The following KDM2A variants were observed in gnomAD, a reference collection of about 807,000 sequenced individuals.
KDM2A encodes the protein lysine demethylase 2A, also known as lysine-specific demethylase 2A.
A neutral mutation model predicts 137.3 loss-of-function variants in KDM2A; 3 were observed. That is an observed-to-expected ratio of 0.02 (90% CI 0.01 to 0.06). The LOEUF (loss-of-function observed/expected upper bound fraction) is 0.06. Among genes scored for constraint, KDM2A ranks in the 10% least tolerant of loss-of-function variants. KDM2A has a pLI of 1.00. For synonymous variants in KDM2A, 512 were observed against 541.5 expected (o/e 0.95, Z 0.76); for missense variants, 738 against 1,510.6 (o/e 0.49, Z 8.48).
chr11:67,229,991 A>G (rs1480003524), intron 11 of KDM2A, among the ~76,000 whole-genome samples: 1 of 152,092 alleles, frequency 6.6e-6, no homozygotes, highest in African/African-American at 2.4e-5. Flanking sequence ...CCTGGCTAAC[A>G]TGGTGAAACC....
chr11:67,143,595 G>A (rs898934952), intron 2 of KDM2A, among the ~76,000 whole-genome samples: 4 of 151,440 alleles, frequency 2.6e-5, no homozygotes, highest in African/African-American at 9.7e-5. Flanking sequence ...TTTTAGTTTC[G>A]CTTTTGTCTG....
At chr11:67,251,022 T>A (rs1859407931) in intron 17 of KDM2A, among the ~76,000 whole-genome samples, 1 of 152,198 alleles carries the variant, frequency 6.6e-6, no homozygotes, top group Non-Finnish European at 1.5e-5. Flanking sequence ...TGCTCTATAC[T>A]TTCCCATGTC....
At chr11:67,224,199 C>T (rs926601725) in intron 10 of KDM2A, among the ~76,000 whole-genome samples, 4 of 152,280 alleles carry the variant, frequency 2.6e-5, no homozygotes, top group South Asian at 2.1e-4. Context: ...AGTTTGTAAA[C>T]GGGTAGGTGA....
intron 2 of KDM2A, among the ~76,000 whole-genome samples, chr11:67,147,541 TAA>T (rs879807940): frequency 2.2e-5 from 3 of 137,244 alleles, no homozygotes; most frequent in Non-Finnish European, 3.2e-5. Flanking sequence ...GACTCCGTCT[TAA>T]AAAAAAAAAA....
chr11:67,185,559 G>A (rs1262128949), intron 5 of KDM2A, among the ~76,000 whole-genome samples: 1 of 151,894 alleles, frequency 6.6e-6, no homozygotes, highest in Non-Finnish European at 1.5e-5. Context: ...GAACCCGGGA[G>A]GTGGAGGTTG....
intron 2 of KDM2A, among the ~76,000 whole-genome samples, chr11:67,142,094 A>G (rs1453257201): frequency 1.3e-5 from 2 of 151,852 alleles, no homozygotes; most frequent in African/African-American, 2.4e-5. Flanking sequence ...GCTGGAGTGC[A>G]GTGGCACGAT....
At chr11:67,120,923 T>G (rs1855585376) in intron 1 of KDM2A, among the ~76,000 whole-genome samples, 1 of 152,182 alleles carries the variant, frequency 6.6e-6, no homozygotes, top group African/African-American at 2.4e-5. Flanking sequence ...CTTTTTTTTT[T>G]TCTTGCTGAT....
At chr11:67,161,385 A>G (rs957556636) in intron 2 of KDM2A, among the ~76,000 whole-genome samples, 1 of 152,164 alleles carries the variant, frequency 6.6e-6, no homozygotes, top group Non-Finnish European at 1.5e-5. Context: ...TTTTCAGTCT[A>G]CAGATCATAG....
At chr11:67,229,187 A>G (rs950437113) in intron 11 of KDM2A, among the ~76,000 whole-genome samples, 1 of 152,206 alleles carries the variant, frequency 6.6e-6, no homozygotes, top group African/African-American at 2.4e-5. Flanking sequence ...TCCTCATTTT[A>G]CAAATGGGAA....
chr11:67,130,409 T>C (rs1039224035), intron 2 of KDM2A, among the ~76,000 whole-genome samples: 7 of 152,032 alleles, frequency 4.6e-5, no homozygotes, highest in African/African-American at 1.7e-4. Context: ...CCTCCCAAAG[T>C]GTTGGGATTA....
chr11:67,186,503 G>A (rs899029366), intron 5 of KDM2A, among the ~76,000 whole-genome samples: 2 of 152,200 alleles, frequency 1.3e-5, no homozygotes, highest in Non-Finnish European at 2.9e-5. Flanking sequence ...TGTAAGAAAT[G>A]CTCAGGAGAG....
chr11:67,246,692 G>A (rs1259150194), intron 15 of KDM2A, among the ~76,000 whole-genome samples: 1 of 152,120 alleles, frequency 6.6e-6, no homozygotes, highest in Non-Finnish European at 1.5e-5. Context: ...CCTTTGTGGA[G>A]AACCACTGTT....
chr11:67,142,897 A>C (rs1465639910), intron 2 of KDM2A, among the ~76,000 whole-genome samples: 1 of 151,988 alleles, frequency 6.6e-6, no homozygotes, highest in Non-Finnish European at 1.5e-5. Flanking sequence ...AAGCTTCAAC[A>C]ATTATCAAAA....
intron 12 of KDM2A, among the ~76,000 whole-genome samples, chr11:67,236,402 T>C (rs1025969153): frequency 1.3e-5 from 2 of 152,214 alleles, no homozygotes; most frequent in African/African-American, 4.8e-5. Context: ...AGTGCTAGGA[T>C]TATAGGCATG....
chr11:67,196,271 C>T (rs1024191634), intron 5 of KDM2A: 14 of 456,002 alleles, frequency 3.1e-5, no homozygotes, highest in Non-Finnish European at 5.7e-5. Flanking sequence ...ACCTCCAGTT[C>T]TTCATGTCAG....
intron 2 of KDM2A, among the ~76,000 whole-genome samples, chr11:67,127,189 C>A (rs759640089): frequency 5.9e-5 from 9 of 152,174 alleles, no homozygotes; most frequent in Non-Finnish European, 1.5e-5. Flanking sequence ...CCTCAACCGC[C>A]TGGCTCAAGT....
intron 2 of KDM2A, among the ~76,000 whole-genome samples, chr11:67,150,174 C>T (rs1856353568): frequency 1.3e-5 from 2 of 152,190 alleles, no homozygotes; most frequent in Non-Finnish European, 2.9e-5. Flanking sequence ...GAAACAGCTA[C>T]AGCTGTTTAG....
At chr11:67,150,528 G>A (rs1856360169) in intron 2 of KDM2A, among the ~76,000 whole-genome samples, 1 of 152,178 alleles carries the variant, frequency 6.6e-6, no homozygotes, top group Admixed American at 6.5e-5. Context: ...AGGCCAATTA[G>A]GGAAGGAGAT....
chr11:67,125,417 A>T (rs1386011284), intron 2 of KDM2A, among the ~76,000 whole-genome samples: 2 of 151,428 alleles, frequency 1.3e-5, no homozygotes, highest in Admixed American at 1.3e-4. Context: ...CTGGGCTCAA[A>T]CGATCTGCCC....
Sources: gnomAD v4.1 joint callset for allele counts (sites outside exome capture counted in the v4.1 genomes callset) on GRCh38, gnomAD v4.1.1 for gene constraint, MANE v1.5 for transcripts, NCBI Gene and HGNC (gene_info 2026-07-23, HGNC 2026-07-21) for gene names.